CNTN4: variants seen among roughly 807,000 people sequenced by gnomAD.
The protein encoded by CNTN4 is contactin 4.
CNTN4 carries 77 observed loss-of-function variants against 122.5 expected under a neutral mutation model. The ratio of observed to expected loss-of-function variants is 0.63; its 90% CI spans 0.52 to 0.76. CNTN4 has a LOEUF of 0.76. Ranked by LOEUF, CNTN4 falls within the 30% of genes least tolerant of loss-of-function variation. CNTN4 has a pLI of 0.00. For missense variants in CNTN4, 1,256 were observed against 1,259.1 expected, an observed-to-expected ratio of 1.00 and a Z score of 0.04; for synonymous variants, 512 against 447.0, an observed-to-expected ratio of 1.15 and a Z score of -1.83.
intron 2 of CNTN4, among the ~76,000 whole-genome samples, chr3:2,224,140 C>G (rs2039171185): frequency 1.3e-5 from 2 of 152,196 alleles, no homozygotes; most frequent in African/African-American, 4.8e-5. Flanking sequence ...GACAGCTTTT[C>G]AGAGCTACTC....
chr3:2,564,761 A>G (rs1215551041), intron 3 of CNTN4, among the ~76,000 whole-genome samples: 1 of 152,138 alleles, frequency 6.6e-6, no homozygotes. Flanking sequence ...TAAAGGTCCA[A>G]CATCAAAGGT....
At chr3:2,598,123 C>A (rs1331417137) in intron 4 of CNTN4, among the ~76,000 whole-genome samples, 1 of 152,158 alleles carries the variant, frequency 6.6e-6, no homozygotes, top group Non-Finnish European at 1.5e-5. Flanking sequence ...TCAAGCCTGG[C>A]AGCATCTTAT....
chr3:2,744,358 C>T (rs996929627), intron 5 of CNTN4, among the ~76,000 whole-genome samples: 1 of 152,172 alleles, frequency 6.6e-6, no homozygotes, highest in African/African-American at 2.4e-5. Context: ...TAAGATGATA[C>T]ACAGTGAATG....
chr3:2,465,792 G>T (rs184235762), intron 3 of CNTN4, among the ~76,000 whole-genome samples: 1 of 152,180 alleles, frequency 6.6e-6, no homozygotes, highest in Admixed American at 6.5e-5. Flanking sequence ...CTCAGTTTCT[G>T]CCTTGGATCA....
chr3:2,850,095 T>G (rs2093523968), intron 7 of CNTN4, among the ~76,000 whole-genome samples: 1 of 151,816 alleles, frequency 6.6e-6, no homozygotes, highest in Admixed American at 6.6e-5. Context: ...GTTCAAGTGA[T>G]TCTCCTGCCT....
chr3:2,426,566 A>C (rs2151157637), intron 3 of CNTN4, among the ~76,000 whole-genome samples: 1 of 152,290 alleles, frequency 6.6e-6, no homozygotes, highest in Non-Finnish European at 1.5e-5. Context: ...CTTTGGTATC[A>C]GGATGATGCT....
At chr3:2,833,231 A>C (rs550645785) in intron 7 of CNTN4, among the ~76,000 whole-genome samples, 50 of 152,342 alleles carry the variant, frequency 3.3e-4, no homozygotes, top group Admixed American at 1.6e-3. Context: ...GTTGCCGCCA[A>C]TGCAGATTGA....
chr3:2,196,772 C>T (rs536214559), intron 2 of CNTN4, among the ~76,000 whole-genome samples: 5 of 152,080 alleles, frequency 3.3e-5, no homozygotes, highest in Admixed American at 6.6e-5. Context: ...GGGCCGGGCA[C>T]GGTGGCTCGC....
intron 7 of CNTN4, among the ~76,000 whole-genome samples, chr3:2,845,127 CAAG>C (rs1559572035): frequency 6.6e-6 from 1 of 151,854 alleles, no homozygotes; most frequent in African/African-American, 2.4e-5. Context: ...GGAAAAGACT[CAAG>C]AAAAACAAGC....
intron 12 of CNTN4, among the ~76,000 whole-genome samples, chr3:2,920,359 C>T (rs2094416373): frequency 1.3e-5 from 1 of 74,198 alleles, no homozygotes; most frequent in African/African-American, 5.0e-5. Flanking sequence ...ATCCTTGTGA[C>T]AATAGAATAG....
At chr3:2,355,326 G>T (rs1471397628) in intron 3 of CNTN4, among the ~76,000 whole-genome samples, 1 of 152,184 alleles carries the variant, frequency 6.6e-6, no homozygotes, top group East Asian at 1.9e-4. Context: ...CTTTTGGTCT[G>T]TGTAAAAATA....
chr3:2,346,959 C>T (rs1446745289), intron 3 of CNTN4, among the ~76,000 whole-genome samples: 1 of 151,868 alleles, frequency 6.6e-6, no homozygotes, highest in Non-Finnish European at 1.5e-5. Context: ...CATTCTTAAA[C>T]ATATTTGGAC....
At chr3:2,702,576 T>G (rs1023804010) in intron 4 of CNTN4, among the ~76,000 whole-genome samples, 2 of 152,232 alleles carry the variant, frequency 1.3e-5, no homozygotes, top group Non-Finnish European at 2.9e-5. Context: ...TTGAATGTAG[T>G]AGATGCTCTC....
chr3:2,530,540 C>A (rs1390154355), intron 3 of CNTN4, among the ~76,000 whole-genome samples: 1 of 152,048 alleles, frequency 6.6e-6, no homozygotes, highest in East Asian at 1.9e-4. Context: ...CATCTCCTGA[C>A]CTCGTGATCT....
At chr3:2,819,779 C>G (rs2092822063) in intron 7 of CNTN4, among the ~76,000 whole-genome samples, 198 bp downstream of exon 7, 2 of 152,146 alleles carry the variant, frequency 1.3e-5, no homozygotes, top group African/African-American at 2.4e-5. Context: ...ATTTTCCACC[C>G]CACTGCAGTG....
At chr3:2,508,538 G>C (rs2149053994) in intron 3 of CNTN4, among the ~76,000 whole-genome samples, 1 of 152,242 alleles carries the variant, frequency 6.6e-6, no homozygotes, top group Admixed American at 6.5e-5. Context: ...TTAGCTTGGT[G>C]AATCTTGTGT....
At chr3:3,015,693 A>G (rs943301576) in intron 14 of CNTN4, among the ~76,000 whole-genome samples, 1 of 152,210 alleles carries the variant, frequency 6.6e-6, no homozygotes, top group Non-Finnish European at 1.5e-5. Context: ...TGTCCAGAAT[A>G]TTAATCCTTC....
intron 8 of CNTN4, among the ~76,000 whole-genome samples, chr3:2,876,432 A>G (rs2093845583): frequency 8.0e-6 from 1 of 125,396 alleles, no homozygotes; most frequent in Non-Finnish European, 1.6e-5. Context: ...TTCTCAAGAA[A>G]GTCAATGTGG....
intron 4 of CNTN4, chr3:2,629,483 T>G (rs1220838493): frequency 1.5e-5 from 6 of 404,646 alleles, no homozygotes; most frequent in African/African-American, 1.1e-4. Context: ...TTTGATTTTC[T>G]ATTTTCTAGT....
Sources: allele counts gnomAD v4.1 joint callset (sites outside exome capture counted in the v4.1 genomes callset), GRCh38; gene constraint gnomAD v4.1.1; transcripts MANE v1.5; gene names NCBI Gene and HGNC (gene_info 2026-07-23, HGNC 2026-07-21).